Variants in NAV2 observed in about 807,000 individuals in gnomAD.
NAV2 encodes the protein helicase, APC down-regulated 1.
In NAV2, 54 loss-of-function variants were observed where a neutral mutation model predicts 223.2. The ratio of observed to expected loss-of-function variants is 0.24; its 90% confidence interval spans 0.19 to 0.30. The LOEUF (loss-of-function observed/expected upper bound fraction) is 0.30, where lower values mean the gene tolerates loss of function less well. Among genes scored for constraint, NAV2 ranks in the 10% least tolerant of loss-of-function variants. NAV2 has a pLI of 1.00. For synonymous variants in NAV2, 1,279 were observed against 1,239.3 expected, an observed-to-expected ratio of 1.03 and a Z score of -0.67; for missense variants, 2,806 against 3,147.5, an observed-to-expected ratio of 0.89 and a Z score of 2.60.
At chr11:19,831,752 G>A (rs2059955672) in intron 1 of NAV2, among the ~76,000 whole-genome samples, 1 of 152,164 alleles carries the variant, frequency 6.6e-6, no homozygotes, top group Non-Finnish European at 1.5e-5. Context: ...TGTTCCCCAA[G>A]GGGGTCTGTT....
chr11:19,759,473 G>A (rs2054546000), intron 1 of NAV2, among the ~76,000 whole-genome samples: 1 of 152,104 alleles, frequency 6.6e-6, no homozygotes. Flanking sequence ...TGAATTTAGT[G>A]TTAGGAAAAA....
chr11:19,970,407 G>A (rs1026772938), intron 10 of NAV2, among the ~76,000 whole-genome samples: 1 of 152,168 alleles, frequency 6.6e-6, no homozygotes, highest in Non-Finnish European at 1.5e-5. Flanking sequence ...GGCCTCAAGG[G>A]ATCCATTTGC....
At chr11:19,734,614 A>C (rs1000982245) in intron 1 of NAV2, among the ~76,000 whole-genome samples, 1 of 152,218 alleles carries the variant, frequency 6.6e-6, no homozygotes, top group Non-Finnish European at 1.5e-5. Context: ...TTGGCATTTT[A>C]ACAGAGACTT....
At chr11:19,647,633 T>A (rs1467356597) in intron 1 of NAV2, among the ~76,000 whole-genome samples, 1 of 152,156 alleles carries the variant, frequency 6.6e-6, no homozygotes, top group Non-Finnish European at 1.5e-5. Context: ...CTCTTGAACC[T>A]GGACTTGGAC....
At chr11:19,567,984 T>A (rs1162385024) in intron 1 of NAV2, among the ~76,000 whole-genome samples, 1 of 152,120 alleles carries the variant, frequency 6.6e-6, no homozygotes, top group Non-Finnish European at 1.5e-5. Flanking sequence ...ATATTCTGTC[T>A]CCCCCTGGCT....
intron 3 of NAV2, among the ~76,000 whole-genome samples, chr11:19,860,108 T>C (rs1218672247): frequency 1.9e-5 from 2 of 103,020 alleles, no homozygotes; most frequent in Non-Finnish European, 2.0e-5. Flanking sequence ...CACTTCCCAG[T>C]AGGGGCGGCC....
chr11:19,718,722 A>C (rs2050511665), intron 1 of NAV2, among the ~76,000 whole-genome samples: 2 of 152,066 alleles, frequency 1.3e-5, no homozygotes, highest in Non-Finnish European at 2.9e-5. Flanking sequence ...ATTATTGCTT[A>C]CTCCATGGGT....
chr11:19,594,232 C>T (rs1482866599), intron 1 of NAV2, among the ~76,000 whole-genome samples: 4 of 152,102 alleles, frequency 2.6e-5, no homozygotes, highest in Admixed American at 6.5e-5. Context: ...AGAGGGACTT[C>T]GTACCAGGTC....
At chr11:20,099,053 G>A (rs549382577) in intron 31 of NAV2, among the ~76,000 whole-genome samples, 1 of 152,326 alleles carries the variant, frequency 6.6e-6, no homozygotes, top group East Asian at 1.9e-4. Flanking sequence ...CCCACTATAG[G>A]TCAAATGCCC....
intron 1 of NAV2, among the ~76,000 whole-genome samples, chr11:19,632,490 C>G (rs1399258734): frequency 2.0e-5 from 3 of 152,046 alleles, no homozygotes; most frequent in South Asian, 2.1e-4. Context: ...ATTCAACGAG[C>G]TTTTATCAAG....
At chr11:20,013,427 C>A (rs780143666) in intron 11 of NAV2, among the ~76,000 whole-genome samples, 9 of 151,946 alleles carry the variant, frequency 5.9e-5, no homozygotes, top group Non-Finnish European at 1.3e-4. Context: ...TTTCAGCTAG[C>A]CTTCCCGCTA....
chr11:19,523,031 G>A (rs1458522473), intron 1 of NAV2, among the ~76,000 whole-genome samples: 2 of 152,236 alleles, frequency 1.3e-5, no homozygotes, highest in Non-Finnish European at 2.9e-5. Flanking sequence ...ATCTCACTGG[G>A]TTCTCATTGG....
intron 1 of NAV2, among the ~76,000 whole-genome samples, chr11:19,521,925 G>A (rs907257372): frequency 6.6e-6 from 1 of 152,222 alleles, no homozygotes; most frequent in Non-Finnish European, 1.5e-5. Flanking sequence ...CCTCTGCTCT[G>A]AGAGGCAGAA....
rs73429762 is a variant in NAV2, at chr11:19,761,177, T to C, written c.267+47215T>C. On this transcript the variant is annotated intron_variant, in intron 1 of 37. Transcript: ENST00000349880. ...TCCAGAATGCCAAAAGAGAGGGCAGTCTGGAGGCCTTTTTTCTTGGGGGAG... is the reference window on the plus strand; with the variant it reads ...TCCAGAATGCCAAAAGAGAGGGCAGCCTGGAGGCCTTTTTTCTTGGGGGAG... Among the ~76,000 whole-genome samples, 1,124 of 152,188 alleles carry C rather than the reference T, an allele frequency of 7.4e-3. 14 individuals are homozygous for C. Among genetic ancestry groups the C allele is most frequent in the African/African-American group, 0.025 (1,056 of 41,530 alleles).
At chr11:20,100,050 T>C (rs1479815000) in intron 31 of NAV2, among the ~76,000 whole-genome samples, 4 of 152,186 alleles carry the variant, frequency 2.6e-5, no homozygotes, top group African/African-American at 7.2e-5. Context: ...AGTGACTGAG[T>C]ACGTAGAAGG....
intron 1 of NAV2, among the ~76,000 whole-genome samples, chr11:19,367,156 C>G (rs1848314988): frequency 6.6e-6 from 1 of 152,206 alleles, no homozygotes; most frequent in African/African-American, 2.4e-5. Context: ...CTCACAGCCT[C>G]TGAGCATTTG....
chr11:19,731,021 A>T (rs79880081), intron 1 of NAV2, among the ~76,000 whole-genome samples: 6 of 152,214 alleles, frequency 3.9e-5, no homozygotes, highest in Non-Finnish European at 5.9e-5. Flanking sequence ...CCAAAAAATT[A>T]TTTGCTGTTT....
At position 19,827,971 on chromosome 11, in the gene NAV2, G is replaced by A. The variant is rs191182683; in HGVS notation, c.268-4513G>A. Among the ~76,000 whole-genome samples the A allele has an allele frequency of 1.5e-3, 232 of 152,156 alleles. 1 individual carries two copies. The highest frequency in any genetic ancestry group is 5.3e-3 in the African/African-American group (222 of 41,500). ...TCCCGTCTCTACCAAGGGGAGGAAG[G>A]GGAGGGTGGGGAGGGAATCAACAAT... On this transcript the variant is annotated intron_variant, in intron 1 of 37. Coordinates refer to ENST00000349880, the MANE Select transcript of NAV2 (RefSeq NM_145117.5).
chr11:19,624,162 G>A (rs528075591), intron 1 of NAV2, among the ~76,000 whole-genome samples: 17 of 152,294 alleles, frequency 1.1e-4, no homozygotes, highest in African/African-American at 3.1e-4. Context: ...GCCGTGTGAG[G>A]TGTCAGTCGG....
Sources: allele counts gnomAD v4.1 joint callset (sites outside exome capture counted in the v4.1 genomes callset), GRCh38; gene constraint gnomAD v4.1.1; transcripts MANE v1.5; gene names NCBI Gene and HGNC (gene_info 2026-07-23, HGNC 2026-07-21).